The following MAPT variants were observed in gnomAD, a reference collection of about 807,000 sequenced individuals.
MAPT encodes microtubule-associated protein tau.
Under a neutral mutation model 67.9 loss-of-function variants are expected in MAPT, and 34 were observed. That is an observed-to-expected ratio of 0.50 (90% confidence interval 0.38 to 0.67). The LOEUF is 0.67. MAPT is among the 30% of genes least tolerant of loss of function. MAPT has a pLI of 0.00. For missense variants in MAPT, 881 were observed against 1,115.2 expected, an observed-to-expected ratio of 0.79 and a Z score of 2.99; for synonymous variants, 456 against 464.5, an observed-to-expected ratio of 0.98 and a Z score of 0.23.
intron 4 of MAPT, chr17:45,978,792 G>A (rs2072650431): frequency 4.7e-6 from 1 of 210,810 alleles, no homozygotes; most frequent in Admixed American, 5.3e-5. Context: ...ATCACCTGAG[G>A]TCAGGAGTTT....
At chr17:45,959,921 A>T (rs972568672) in intron 1 of MAPT, among the ~76,000 whole-genome samples, 1 of 152,248 alleles carries the variant, frequency 6.6e-6, no homozygotes, top group Non-Finnish European at 1.5e-5. Flanking sequence ...GGAAAGGAAC[A>T]TTTGGTAGTT....
At chr17:45,898,949 C>T (rs1036514154) in intron 1 of MAPT, among the ~76,000 whole-genome samples, 4 of 152,182 alleles carry the variant, frequency 2.6e-5, no homozygotes, top group Admixed American at 2.6e-4. Flanking sequence ...CCCAAAGCCC[C>T]CTCACACTCC....
intron 9 of MAPT, among the ~76,000 whole-genome samples, chr17:46,007,184 A>G (rs1046913924): frequency 1.3e-5 from 2 of 151,978 alleles, no homozygotes; most frequent in African/African-American, 4.8e-5. Flanking sequence ...ACAAAAATAA[A>G]TAAGTAAATT....
Position 45,983,470 on chromosome 17 carries a change from C to A in MAPT, c.891C>A (p.Arg297=). 1 of 1,608,298 alleles carries A rather than the reference C, an allele frequency of 6.2e-7. No individual in the cohort carries two copies. The highest frequency in any genetic ancestry group is 8.5e-7 in the Non-Finnish European group (1 of 1,176,720). ...PGSKEEVDED[R]DVDESSPQDS... Reference sequence around the variant, plus strand: ...GCAAGGAGGAGGTGGATGAAGACCGCGACGTCGATGAGTCCTCCCCCCAAG... The same window carrying A: ...GCAAGGAGGAGGTGGATGAAGACCGAGACGTCGATGAGTCCTCCCCCCAAG... The change falls in exon 5 of 13, where the codon CGC becomes CGA. Residue 297 remains arginine (R), a synonymous_variant. Coordinates refer to ENST00000262410, the MANE Select transcript of MAPT (RefSeq NM_001377265.1).
chr17:45,987,080 T>A lies in MAPT; in HGVS notation c.1392T>A (p.Asp464Glu). Residue 464 changes from aspartate (D) to glutamate (E), a missense_variant, in exon 6 of 13, where the codon GAT becomes GAA. Physicochemically the swap from Asp to Glu is conservative, Grantham distance 45. Transcript: ENST00000262410. Reference protein sequence around the residue: ...VSKSKDGTGSDDKKAKTSTRS... With the variant: ...VSKSKDGTGSEDKKAKTSTRS... ...AAAGCAAAGACGGGACTGGAAGCGATGACAAAAAAGCCAAGGTAAGCTGAC... is the reference window on the plus strand; with the variant it reads ...AAAGCAAAGACGGGACTGGAAGCGAAGACAAAAAAGCCAAGGTAAGCTGAC... 6.2e-7 allele frequency: 1 copy of A among 1,614,074 alleles called. No individual in the cohort carries two copies. The highest frequency in any genetic ancestry group is 8.5e-7 in the Non-Finnish European group (1 of 1,179,958).
chr17:45,933,556 T>TAG (rs2067046540), intron 1 of MAPT, among the ~76,000 whole-genome samples: 1 of 152,152 alleles, frequency 6.6e-6, no homozygotes, highest in African/African-American at 2.4e-5. Flanking sequence ...TTGAACTCTC[T>TAG]AGAGACAGTC....
chr17:45,998,450 G>A (rs1187078504), intron 9 of MAPT, among the ~76,000 whole-genome samples: 2 of 152,208 alleles, frequency 1.3e-5, no homozygotes, highest in Non-Finnish European at 2.9e-5. Flanking sequence ...TCCTCTCATC[G>A]AGGAAAGGAC....
Position 45,915,367 on chromosome 17 carries a change from G to A in MAPT, c.-18+20681G>A, listed in dbSNP as rs1347774766. The stretch of plus-strand genomic sequence containing the variant: ...GTGGTGTGTATGTGTGACGTGAGGT[G>A]TGTGTGGTGTGTGAGTTGTGTATGG... On this transcript the variant is annotated intron_variant, in intron 1 of 12. Coordinates refer to ENST00000262410, the MANE Select transcript of MAPT (RefSeq NM_001377265.1). The surrounding 1 kb of genome is among the most constrained non-coding windows in gnomAD (Gnocchi z 4.4). Among the ~76,000 whole-genome samples, 1 of 151,574 alleles carries A rather than the reference G, an allele frequency of 6.6e-6. No individual in the cohort carries two copies. Among genetic ancestry groups the A allele is most frequent in the East Asian group, 1.9e-4 (1 of 5,160 alleles).
chr17:45,979,939 G>A (rs1162118996), intron 4 of MAPT: 1 of 152,194 alleles, frequency 6.6e-6, no homozygotes, highest in Admixed American at 6.5e-5. Flanking sequence ...GAGGGATAAA[G>A]TACCTATTAG....
In MAPT at chr17:45,969,857, G is replaced by A. The variant is rs537810525; in HGVS notation, c.134-2002G>A. Among the ~76,000 whole-genome samples, 76 of 148,428 alleles carry A rather than the reference G, an allele frequency of 5.1e-4. No homozygotes were observed. The Middle Eastern group carries it at 0.013, about 25-fold the overall frequency. ...TCTCTACATCATTCATTCTTCCATC[G>A]ATTCATCCAATTATCCATCATTCCT... is the stretch of plus-strand genomic sequence containing the variant. On this transcript the variant is annotated intron_variant, in intron 2 of 12. Coordinates refer to ENST00000262410, the MANE Select transcript of MAPT (RefSeq NM_001377265.1).
Position 46,024,652 on chromosome 17 carries a change from C to T in MAPT, c.*481C>T, listed in dbSNP as rs907206906. The T allele has an allele frequency of 6.9e-5, 12 of 174,174 alleles. No individual in the cohort carries two copies. Among genetic ancestry groups the T allele is most frequent in the Admixed American group, 3.1e-4 (4 of 13,096 alleles). 10.8% of individuals were successfully genotyped at this position (174,174 alleles called of 1,614,324 possible). ...GTGTGTTCGTGGAGCCACAGGCAGACGATGTCAACCTTGTGTGAGTGTGAC... is the reference window on the plus strand; with the variant it reads ...GTGTGTTCGTGGAGCCACAGGCAGATGATGTCAACCTTGTGTGAGTGTGAC... On this transcript the variant is annotated 3_prime_UTR_variant, in exon 13 of 13. Transcript: ENST00000262410.
chr17:46,012,555 C>T (rs4283261), intron 10 of MAPT, among the ~76,000 whole-genome samples: 21,782 of 152,134 alleles, frequency 0.14, 2,124 homozygotes, highest in Non-Finnish European at 0.22. Flanking sequence ...CTAGCCTCTC[C>T]CCAGCCTGGG....
At chr17:45,957,670 C>T (rs908700899) in intron 1 of MAPT, among the ~76,000 whole-genome samples, 1 of 152,066 alleles carries the variant, frequency 6.6e-6, no homozygotes, top group East Asian at 1.9e-4. Flanking sequence ...GAGACGTGGC[C>T]GTGGCAAGAA....
chr17:45,995,679 A>C lies in MAPT; in HGVS notation c.1733-720A>C, dbSNP rs1294485742. Among the ~76,000 whole-genome samples the C allele has an allele frequency of 6.6e-6, 1 of 152,170 alleles. No individual in the cohort carries two copies. The highest frequency in any genetic ancestry group is 1.5e-5 in the Non-Finnish European group (1 of 68,018). On this transcript the variant is annotated intron_variant, in intron 8 of 12. Transcript: ENST00000262410. The surrounding 1 kb of genome is among the most constrained non-coding windows in gnomAD (Gnocchi z 4.3). ...TGCGCTAGTAACTGCTATGCATGGC[A>C]GGTGGGGAACTGTACGTCAGGGCAC...
chr17:45,944,611 G>C (rs887088037), intron 1 of MAPT, among the ~76,000 whole-genome samples: 2 of 152,192 alleles, frequency 1.3e-5, no homozygotes, highest in South Asian at 4.1e-4. Flanking sequence ...AGGGTAGAGC[G>C]GGCCTCCCCA....
intron 1 of MAPT, among the ~76,000 whole-genome samples, chr17:45,957,075 T>C (rs2069820454): frequency 6.6e-6 from 1 of 152,212 alleles, no homozygotes; most frequent in Non-Finnish European, 1.5e-5. Flanking sequence ...CATGTGTCTT[T>C]ATAACAGCAT....
chr17:45,991,633 G>T lies in MAPT; in HGVS notation c.1732+47G>T, dbSNP rs770860509. ...ATCTTAGAGGAAGCTGAAGCTCTCA[G>T]AGGTACAGCCTTCATTTTAGGAGGC... On this transcript the variant is annotated intron_variant, in intron 8 of 12. Coordinates refer to ENST00000262410, the MANE Select transcript of MAPT (RefSeq NM_001377265.1). 3.1e-6 allele frequency: 5 copies of T among 1,613,882 alleles called. No individual in the cohort carries two copies. The Admixed American group carries it at 8.3e-5, about 27-fold the overall frequency.
intron 7 of MAPT, among the ~76,000 whole-genome samples, chr17:45,990,674 A>T (rs1167223840): frequency 6.6e-6 from 1 of 152,140 alleles, no homozygotes; most frequent in Non-Finnish European, 1.5e-5. Flanking sequence ...TGGCAAGAGA[A>T]ATGCTTCCAG....
At chr17:45,967,978 G>A (rs137956047) in intron 2 of MAPT, among the ~76,000 whole-genome samples, 3 of 151,926 alleles carry the variant, frequency 2.0e-5, no homozygotes, top group African/African-American at 4.8e-5. Flanking sequence ...CATTCCATCC[G>A]ACACAGATCT....
Sources: gnomAD v4.1 joint callset for allele counts (sites outside exome capture counted in the v4.1 genomes callset) on GRCh38, gnomAD v4.1.1 for gene constraint, Gnocchi (gnomAD v3.1) non-coding constraint, MANE v1.5 for transcripts, NCBI Gene and HGNC (gene_info 2026-07-23, HGNC 2026-07-21) for gene names.